Variants in VPS54 observed in about 807,000 individuals in gnomAD.
VPS54 encodes vacuolar protein sorting-associated protein 54.
VPS54 carries 45 observed loss-of-function variants against 121.5 expected under a neutral mutation model. That is an observed-to-expected ratio of 0.37 (90% CI 0.29 to 0.47). The LOEUF is 0.47. Among genes scored for constraint, VPS54 ranks in the 20% least tolerant of loss-of-function variants. The pLI, the probability that VPS54 is intolerant of heterozygous loss-of-function variation, is 0.99. For missense variants in VPS54, 1,090 were observed against 1,131.4 expected (o/e 0.96, Z 0.52); for synonymous variants, 371 against 385.8 (o/e 0.96, Z 0.45).
intron 1 of VPS54, among the ~76,000 whole-genome samples, chr2:64,017,354 A>G (rs1678755763): frequency 6.9e-6 from 1 of 145,558 alleles, no homozygotes; most frequent in South Asian, 2.2e-4. Context: ...AAAAAAGAAA[A>G]GAAACAAAAA....
intron 5 of VPS54, among the ~76,000 whole-genome samples, chr2:63,966,238 T>C (rs1338333360): frequency 6.6e-5 from 10 of 152,228 alleles, no homozygotes; most frequent in Admixed American, 2.0e-4. Context: ...TACTCACTCA[T>C]GCAGTCCTAC....
chr2:64,018,656 G>A (rs1678824493), intron 1 of VPS54, among the ~76,000 whole-genome samples: 1 of 150,294 alleles, frequency 6.7e-6, no homozygotes, highest in Admixed American at 6.7e-5. Flanking sequence ...ATCCCGGAAA[G>A]ATAAGAGAGG....
At chr2:64,000,994 C>A (rs1433272646) in intron 1 of VPS54, among the ~76,000 whole-genome samples, 1 of 152,216 alleles carries the variant, frequency 6.6e-6, no homozygotes, top group Non-Finnish European at 1.5e-5. Context: ...TCATGTAAGT[C>A]CAGAAGTTAT....
chr2:63,962,527 A>T (rs1675817281), intron 6 of VPS54, 84 bp from the exon 7 acceptor site: 1 of 1,416,206 alleles, frequency 7.1e-7, no homozygotes, highest in African/African-American at 1.4e-5. Context: ...ATGATAAAAG[A>T]TTTCTACATA....
chr2:63,982,177 A>T (rs192388327), intron 2 of VPS54, among the ~76,000 whole-genome samples: 1 of 151,242 alleles, frequency 6.6e-6, no homozygotes, highest in Admixed American at 6.6e-5. Context: ...TCCTTTCCTT[A>T]ATGTACAATT....
At chr2:63,964,320 A>G (rs1489098579) in intron 6 of VPS54, among the ~76,000 whole-genome samples, 7 of 152,196 alleles carry the variant, frequency 4.6e-5, no homozygotes. Context: ...AGTCTCAAAG[A>G]TTTTTTGAAT....
intron 12 of VPS54, among the ~76,000 whole-genome samples, chr2:63,921,894 A>C (rs1673663938): frequency 6.6e-6 from 1 of 152,246 alleles, no homozygotes; most frequent in Non-Finnish European, 1.5e-5. Flanking sequence ...TAGCAAAATT[A>C]AATTTTTAGA....
Position 63,983,978 on chromosome 2 carries a change from A to G in VPS54, c.22T>C (p.Ser8Pro). Residue 8 changes from serine (S) to proline (P), a missense_variant, in exon 2 of 23, where the codon TCA (serine) becomes CCA (proline). This residue lies in a region of VPS54 where 801 missense variants were observed against 757.0 expected (regional missense o/e 1.06). Coordinates refer to ENST00000272322, the MANE Select transcript of VPS54 (RefSeq NM_016516.3). Reference protein sequence around the residue: MASSHSSSPVPQGSSSDV... With the variant: MASSHSSPPVPQGSSSDV... The stretch of plus-strand genomic sequence containing the variant: ...CTGCTGCTTCCTTGAGGCACTGGTG[A>G]AGAACTGTGGCTTGAAGCCATTGCA... 25 of 1,612,572 alleles carry G rather than the reference A, an allele frequency of 1.6e-5. No homozygotes were observed. Among genetic ancestry groups the G allele is most frequent in the Non-Finnish European group, 2.1e-5 (25 of 1,179,128 alleles).
chr2:63,932,356 A>G (rs1674250349), intron 12 of VPS54, among the ~76,000 whole-genome samples: 1 of 152,222 alleles, frequency 6.6e-6, no homozygotes, highest in Non-Finnish European at 1.5e-5. Context: ...TGTCCTTTGC[A>G]GGGACATGGA....
chr2:64,008,698 G>T (rs1290037504), intron 1 of VPS54, among the ~76,000 whole-genome samples: 1 of 152,044 alleles, frequency 6.6e-6, no homozygotes, highest in Non-Finnish European at 1.5e-5. Flanking sequence ...AAATCAGCTG[G>T]GACTGCAGGC....
chr2:63,989,194 T>A (rs376173635), intron 1 of VPS54, among the ~76,000 whole-genome samples: 11 of 152,292 alleles, frequency 7.2e-5, no homozygotes, highest in African/African-American at 2.2e-4. Flanking sequence ...TCAATGACAG[T>A]GCCTGCACAG....
chr2:63,923,700 A>C (rs1173349186), intron 12 of VPS54, among the ~76,000 whole-genome samples: 1 of 152,168 alleles, frequency 6.6e-6, no homozygotes, highest in African/African-American at 2.4e-5. Flanking sequence ...AATATTTTCC[A>C]TTGTTTTTCT....
chr2:63,949,281 A>C, intron 7 of VPS54, 118 bp from the exon 8 acceptor site: 1 of 971,630 alleles, frequency 1.0e-6, no homozygotes, highest in Non-Finnish European at 1.5e-6. Flanking sequence ...GCAATAATGC[A>C]ATGTTTTCAA....
chr2:64,010,960 C>G (rs1384879262), intron 1 of VPS54, among the ~76,000 whole-genome samples: 2 of 152,044 alleles, frequency 1.3e-5, no homozygotes, highest in Non-Finnish European at 2.9e-5. Context: ...TTTATGAAAC[C>G]CTGTGCTTTG....
intron 1 of VPS54, among the ~76,000 whole-genome samples, chr2:63,996,788 A>T (rs756966700): frequency 6.6e-6 from 1 of 152,098 alleles, no homozygotes; most frequent in Non-Finnish European, 1.5e-5. Flanking sequence ...CCCCAGGCTT[A>T]TTAGGATTAG....
At chr2:63,932,161 T>C (rs1212205404) in intron 12 of VPS54, among the ~76,000 whole-genome samples, 3 of 152,214 alleles carry the variant, frequency 2.0e-5, no homozygotes, top group Non-Finnish European at 4.4e-5. Context: ...ACTGGGCATA[T>C]ACCCAAAGGA....
At chr2:63,898,357 TAGAA>T (rs1672530716) in intron 21 of VPS54, among the ~76,000 whole-genome samples, 1 of 152,034 alleles carries the variant, frequency 6.6e-6, no homozygotes. Flanking sequence ...AAGAAGAAAT[TAGAA>T]GGAAAAAGGA....
intron 20 of VPS54, among the ~76,000 whole-genome samples, chr2:63,909,276 C>A (rs1224358829): frequency 6.6e-6 from 1 of 152,004 alleles, no homozygotes; most frequent in Non-Finnish European, 1.5e-5. Flanking sequence ...TGATACTGAA[C>A]AAAACAGTTT....
intron 1 of VPS54, among the ~76,000 whole-genome samples, chr2:64,012,107 T>C (rs1383319263): frequency 5.9e-5 from 9 of 152,202 alleles, no homozygotes; most frequent in Non-Finnish European, 1.5e-5. Context: ...CTCTCACCAC[T>C]GGTTGGCTAT....
Sources: gnomAD v4.1 joint callset for allele counts (sites outside exome capture counted in the v4.1 genomes callset) on GRCh38, gnomAD v4.1.1 for gene constraint, gnomAD v4.1.1 regional missense constraint, MANE v1.5 for transcripts, NCBI Gene and HGNC (gene_info 2026-07-23, HGNC 2026-07-21) for gene names.